TRHDE: variants seen among roughly 807,000 people sequenced by gnomAD.
TRHDE encodes thyrotropin-releasing hormone-degrading ectoenzyme.
In TRHDE, 72 loss-of-function variants were observed where a neutral mutation model predicts 125.7. The observed-to-expected ratio is 0.57, with a 90% CI of 0.47 to 0.70. The LOEUF (loss-of-function observed/expected upper bound fraction) is 0.70, where lower values mean the gene tolerates loss of function less well. TRHDE is among the 30% of genes least tolerant of loss of function. TRHDE has a pLI of 0.00. For missense variants in TRHDE, 1,110 were observed against 1,327.1 expected, an observed-to-expected ratio of 0.84 and a Z score of 2.54; for synonymous variants, 509 against 509.1, an observed-to-expected ratio of 1.00 and a Z score of 0.00.
At chr12:72,158,124 T>A (rs1318697530) in intron 2 of TRHDE, among the ~76,000 whole-genome samples, 1 of 152,114 alleles carries the variant, frequency 6.6e-6, no homozygotes, top group Admixed American at 6.5e-5. Context: ...GTAGGAGATG[T>A]CAATGAAAGT....
chr12:72,104,944 T>G (rs1324389316), intron 1 of TRHDE, among the ~76,000 whole-genome samples: 1 of 152,122 alleles, frequency 6.6e-6, no homozygotes, highest in Non-Finnish European at 1.5e-5. Context: ...TCATGCTAGC[T>G]TTTCCATAGA....
chr12:72,229,072 C>T (rs1878197744), intron 2 of TRHDE, among the ~76,000 whole-genome samples: 1 of 152,184 alleles, frequency 6.6e-6, no homozygotes, highest in Non-Finnish European at 1.5e-5. Flanking sequence ...CTGCCTGTTA[C>T]CCAATTCCAA....
chr12:72,541,870 T>C (rs1869165919), intron 6 of TRHDE, among the ~76,000 whole-genome samples: 1 of 151,450 alleles, frequency 6.6e-6, no homozygotes, highest in Admixed American at 6.6e-5. Flanking sequence ...AAGGAGTACA[T>C]TCAGTACCTA....
At chr12:72,130,235 G>C (rs533993340) in intron 2 of TRHDE, among the ~76,000 whole-genome samples, 1 of 152,244 alleles carries the variant, frequency 6.6e-6, no homozygotes, top group Admixed American at 6.5e-5. Flanking sequence ...CCCGGGAGGC[G>C]GAGGTTGCAG....
intron 2 of TRHDE, among the ~76,000 whole-genome samples, chr12:72,148,572 T>C (rs1471639841): frequency 6.6e-6 from 1 of 152,222 alleles, no homozygotes; most frequent in Non-Finnish European, 1.5e-5. Flanking sequence ...TTAATTTATA[T>C]ACACACACAT....
At chr12:72,506,543 G>A (rs1878364593) in intron 6 of TRHDE, among the ~76,000 whole-genome samples, 1 of 152,072 alleles carries the variant, frequency 6.6e-6, no homozygotes, top group Admixed American at 6.5e-5. Context: ...TTTTACTGAC[G>A]AGAAAACTGA....
intron 2 of TRHDE, among the ~76,000 whole-genome samples, chr12:72,336,358 TC>T (rs1417366056): frequency 2.0e-5 from 3 of 152,270 alleles, no homozygotes; most frequent in South Asian, 2.1e-4. Flanking sequence ...AATGAAAATA[TC>T]ATGAGAATTT....
intron 2 of TRHDE, among the ~76,000 whole-genome samples, chr12:72,323,476 C>T (rs746591758): frequency 4.4e-4 from 67 of 152,128 alleles, no homozygotes; most frequent in Non-Finnish European, 9.1e-4. Context: ...GGAGCTTTGT[C>T]CTTCCCACAA....
At chr12:72,251,251 C>T (rs902573949) in intron 2 of TRHDE, among the ~76,000 whole-genome samples, 1 of 151,996 alleles carries the variant, frequency 6.6e-6, no homozygotes, top group South Asian at 2.1e-4. Flanking sequence ...AGTCCCATCA[C>T]CATAAGGGTC....
At position 72,440,731 on chromosome 12, in the gene TRHDE, C is replaced by T. The variant is rs1358123748; in HGVS notation, c.1316-29027C>T. On this transcript the variant is annotated intron_variant, in intron 3 of 18. Transcript: ENST00000261180. ...CTGGCTCTAGCATCTGAGGTACAAA[C>T]CCCCCTGCTGTATTCTTAGTGGGAG... 2.6e-5 allele frequency among the ~76,000 whole-genome samples: 4 copies of T among 151,744 alleles called. 1 individual carries two copies. Among genetic ancestry groups the T allele is most frequent in the Admixed American group, 6.6e-5 (1 of 15,138 alleles).
intron 2 of TRHDE, among the ~76,000 whole-genome samples, chr12:72,291,772 T>C (rs1216429676): frequency 6.6e-6 from 1 of 152,176 alleles, no homozygotes; most frequent in Non-Finnish European, 1.5e-5. Context: ...TCTATGCAAA[T>C]ACTATACCAT....
At chr12:72,638,945 CTTCAT>C (rs1268388714) in intron 15 of TRHDE, among the ~76,000 whole-genome samples, 1 of 151,700 alleles carries the variant, frequency 6.6e-6, no homozygotes, top group Non-Finnish European at 1.5e-5. Flanking sequence ...ACATTTTTTC[CTTCAT>C]TTCAACTTTG....
chr12:72,512,435 ATATGT>A (rs1342212387), intron 6 of TRHDE, among the ~76,000 whole-genome samples: 3 of 105,964 alleles, frequency 2.8e-5, no homozygotes, highest in African/African-American at 1.6e-4. Context: ...ATATTATATA[ATATGT>A]TATAATTATA....
intron 2 of TRHDE, among the ~76,000 whole-genome samples, chr12:72,152,294 G>A (rs923623257): frequency 3.3e-5 from 5 of 151,686 alleles, no homozygotes; most frequent in African/African-American, 9.7e-5. Context: ...AGGAGATTTC[G>A]GGCTGAGACG....
chr12:72,497,947 T>A (rs553245517), intron 5 of TRHDE, among the ~76,000 whole-genome samples: 1 of 148,574 alleles, frequency 6.7e-6, no homozygotes, highest in African/African-American at 2.6e-5. Flanking sequence ...ATAGTATTTA[T>A]GTCATATTTG....
chr12:72,325,351 A>G (rs1015012817), intron 2 of TRHDE, among the ~76,000 whole-genome samples: 3 of 152,120 alleles, frequency 2.0e-5, no homozygotes, highest in African/African-American at 7.2e-5. Flanking sequence ...TCAGAGGTTT[A>G]TGTATTTTCA....
intron 2 of TRHDE, among the ~76,000 whole-genome samples, chr12:72,149,908 C>A (rs185632967): frequency 6.6e-6 from 1 of 152,158 alleles, no homozygotes; most frequent in Admixed American, 6.5e-5. Context: ...ATGGATACTC[C>A]ATAAGTACTT....
chr12:72,191,430 C>A (rs2139348928), intron 2 of TRHDE, among the ~76,000 whole-genome samples: 1 of 152,270 alleles, frequency 6.6e-6, no homozygotes, highest in African/African-American at 2.4e-5. Flanking sequence ...TTAATAATCC[C>A]CTGTAAAAAT....
At chr12:72,601,286 C>A (rs865802404) in intron 12 of TRHDE, among the ~76,000 whole-genome samples, 1 of 152,094 alleles carries the variant, frequency 6.6e-6, no homozygotes, top group Non-Finnish European at 1.5e-5. Flanking sequence ...GAGTATGTTG[C>A]TCAATTGCTA....
Sources: allele counts gnomAD v4.1 joint callset (sites outside exome capture counted in the v4.1 genomes callset), GRCh38; gene constraint gnomAD v4.1.1; transcripts MANE v1.5; gene names NCBI Gene and HGNC (gene_info 2026-07-23, HGNC 2026-07-21).